CTNNA2: variants seen among roughly 807,000 people sequenced by gnomAD.
CTNNA2 encodes catenin alpha 2.
In CTNNA2, 42 loss-of-function variants were observed where a neutral mutation model predicts 101.0. That is an observed-to-expected ratio of 0.42 (90% CI 0.32 to 0.54). CTNNA2 has a LOEUF of 0.54. Among genes scored for constraint, CTNNA2 ranks in the 20% least tolerant of loss-of-function variants. The pLI, the probability that CTNNA2 is intolerant of heterozygous loss-of-function variation, is 0.14. For missense variants in CTNNA2, 871 were observed against 1,223.1 expected, an observed-to-expected ratio of 0.71 and a Z score of 4.29; for synonymous variants, 450 against 456.4, an observed-to-expected ratio of 0.99 and a Z score of 0.18.
intron 2 of CTNNA2, among the ~76,000 whole-genome samples, chr2:79,686,347 C>T (rs191664684): frequency 6.6e-6 from 1 of 152,006 alleles, no homozygotes; most frequent in Admixed American, 6.6e-5. Context: ...TTCCTGTGGC[C>T]GAAGGAGGAA....
chr2:80,040,222 T>A (rs971382201), intron 7 of CTNNA2, among the ~76,000 whole-genome samples: 2 of 152,218 alleles, frequency 1.3e-5, no homozygotes, highest in Non-Finnish European at 2.9e-5. Context: ...TTTAATTTTG[T>A]ATTATTTATA....
At chr2:80,324,458 A>C (rs1393953019) in intron 7 of CTNNA2, among the ~76,000 whole-genome samples, 2 of 152,084 alleles carry the variant, frequency 1.3e-5, no homozygotes, top group Non-Finnish European at 2.9e-5. Flanking sequence ...CCCTACTTAA[A>C]CTATTAACTA....
intron 8 of CTNNA2, among the ~76,000 whole-genome samples, chr2:80,395,238 C>T (rs889180761): frequency 2.0e-5 from 3 of 152,028 alleles, no homozygotes; most frequent in Non-Finnish European, 4.4e-5. Flanking sequence ...TGTGTCCTTC[C>T]CTGAAGTTAT....
intron 2 of CTNNA2, among the ~76,000 whole-genome samples, chr2:79,211,942 G>T (rs1042607604): frequency 6.6e-6 from 1 of 152,098 alleles, no homozygotes; most frequent in Non-Finnish European, 1.5e-5. Context: ...AGATTTTGTG[G>T]TAAGGGGTGA....
At chr2:79,851,512 A>T (rs2103907062) in intron 3 of CTNNA2, among the ~76,000 whole-genome samples, 1 of 152,174 alleles carries the variant, frequency 6.6e-6, no homozygotes, top group Middle Eastern at 3.4e-3. Context: ...TCCCTCACTA[A>T]TGTTGCTTTC....
intron 7 of CTNNA2, among the ~76,000 whole-genome samples, chr2:80,186,096 T>C (rs1184230961): frequency 6.6e-6 from 1 of 152,166 alleles, no homozygotes; most frequent in Non-Finnish European, 1.5e-5. Context: ...CTGTCCTTAG[T>C]CCAACCCCAC....
intron 2 of CTNNA2, among the ~76,000 whole-genome samples, chr2:79,283,196 C>A (rs1459283973): frequency 2.8e-5 from 3 of 105,350 alleles, no homozygotes; most frequent in African/African-American, 8.4e-5. Flanking sequence ...AATTTTCTCC[C>A]ATTTTGTAGG....
intron 7 of CTNNA2, among the ~76,000 whole-genome samples, chr2:80,120,472 A>G (rs769297710): frequency 2.0e-5 from 3 of 152,184 alleles, no homozygotes; most frequent in Non-Finnish European, 4.4e-5. Flanking sequence ...TTTAGGATGG[A>G]TGAACTTGAG....
intron 2 of CTNNA2, among the ~76,000 whole-genome samples, chr2:79,735,035 G>T (rs1670773058): frequency 6.6e-6 from 1 of 152,000 alleles, no homozygotes; most frequent in Non-Finnish European, 1.5e-5. Flanking sequence ...CTTCTCTCCT[G>T]GCTTATCTGC....
At chr2:80,526,043 A>T (rs1690003949) in intron 9 of CTNNA2, among the ~76,000 whole-genome samples, 1 of 152,152 alleles carries the variant, frequency 6.6e-6, no homozygotes, top group African/African-American at 2.4e-5. Context: ...AAAATAAAAA[A>T]ATCTGTTTAA....
intron 7 of CTNNA2, among the ~76,000 whole-genome samples, chr2:79,914,501 A>T (rs938624036): frequency 2.6e-5 from 4 of 152,182 alleles, no homozygotes; most frequent in African/African-American, 7.2e-5. Context: ...ATATGCAATG[A>T]GCAGATGTGC....
chr2:80,614,548 A>G (rs949212620), intron 17 of CTNNA2, among the ~76,000 whole-genome samples: 1 of 151,366 alleles, frequency 6.6e-6, no homozygotes, highest in Non-Finnish European at 1.5e-5. Context: ...GTATCTTGGG[A>G]TATGTGTAAA....
chr2:79,563,118 G>A (rs891626056), intron 1 of CTNNA2, among the ~76,000 whole-genome samples: 1 of 147,952 alleles, frequency 6.8e-6, no homozygotes, highest in African/African-American at 2.5e-5. Flanking sequence ...ACAATATTTT[G>A]TTAGGCATTT....
chr2:79,226,153 A>G (rs1674406051), intron 2 of CTNNA2, among the ~76,000 whole-genome samples: 1 of 152,194 alleles, frequency 6.6e-6, no homozygotes, highest in African/African-American at 2.4e-5. Context: ...TATTCTTTCA[A>G]AAACGAGCCT....
chr2:80,382,835 G>A (rs1025190052), intron 7 of CTNNA2, among the ~76,000 whole-genome samples: 4 of 152,238 alleles, frequency 2.6e-5, no homozygotes, highest in African/African-American at 9.6e-5. Context: ...AGCTTTAACA[G>A]TAGCTGAGTG....
intron 7 of CTNNA2, among the ~76,000 whole-genome samples, chr2:80,156,550 AG>A (rs1430161350): frequency 2.0e-5 from 3 of 152,204 alleles, no homozygotes; most frequent in African/African-American, 7.2e-5. Context: ...AAGGAGAAAA[AG>A]GTAGGTTGGT....
At chr2:80,548,382 A>G (rs1231988437) in intron 11 of CTNNA2, among the ~76,000 whole-genome samples, 3 of 152,184 alleles carry the variant, frequency 2.0e-5, no homozygotes, top group Non-Finnish European at 4.4e-5. Context: ...AAATGCATGC[A>G]TAAACATTTC....
intron 9 of CTNNA2, among the ~76,000 whole-genome samples, chr2:80,456,093 A>G (rs943407563): frequency 1.3e-5 from 2 of 152,182 alleles, no homozygotes; most frequent in South Asian, 2.1e-4. Context: ...AGTTGAAGAT[A>G]TGGCTCCTAA....
chr2:80,172,858 C>T (rs1481749438), intron 7 of CTNNA2, among the ~76,000 whole-genome samples: 1 of 152,162 alleles, frequency 6.6e-6, no homozygotes, highest in East Asian at 1.9e-4. Flanking sequence ...TTCTCACATG[C>T]CGTTATTTAT....
Sources: allele counts gnomAD v4.1 joint callset (sites outside exome capture counted in the v4.1 genomes callset), GRCh38; gene constraint gnomAD v4.1.1; transcripts MANE v1.5; gene names NCBI Gene and HGNC (gene_info 2026-07-23, HGNC 2026-07-21).